SEMA6D: variants seen among roughly 807,000 people sequenced by gnomAD.
SEMA6D encodes the protein semaphorin 6D, also known as semaphorin-6D.
Under a neutral mutation model 106.6 loss-of-function variants are expected in SEMA6D, and 35 were observed. The observed-to-expected ratio is 0.33, with a 90% CI of 0.25 to 0.44. SEMA6D has a LOEUF of 0.44. Among genes scored for constraint, SEMA6D ranks in the 20% least tolerant of loss-of-function variants. The pLI is 1.00. For synonymous variants in SEMA6D, 499 were observed against 487.7 expected (o/e 1.02, Z -0.31); for missense variants, 1,185 against 1,345.9 (o/e 0.88, Z 1.87).
At position 47,315,257 on chromosome 15, in the gene SEMA6D, A is replaced by G. The variant is rs1225295084; in HGVS notation, c.-238-97136A>G. ...TGCATTTTTTACATTTTGCATTTTG[A>G]GTTAATTCTTGTAAAAGGTGTAAGA... is the stretch of plus-strand genomic sequence containing the variant. On this transcript the variant is annotated intron_variant, in intron 1 of 19. Coordinates refer to the SEMA6D transcript ENST00000558014. 2.0e-5 allele frequency among the ~76,000 whole-genome samples: 3 copies of G among 152,114 alleles called. No homozygotes were observed. In the South Asian group the frequency reaches 6.2e-4, roughly 32 times the overall value.
intron 4 of SEMA6D, among the ~76,000 whole-genome samples, chr15:47,679,016 G>A (rs2078297003): frequency 6.6e-6 from 1 of 152,090 alleles, no homozygotes; most frequent in South Asian, 2.1e-4. Flanking sequence ...CCTCTGAGAA[G>A]GTGACATTTC....
chr15:47,331,714 T>C (rs537176159), intron 1 of SEMA6D, among the ~76,000 whole-genome samples: 2 of 152,208 alleles, frequency 1.3e-5, no homozygotes, highest in Admixed American at 1.3e-4. Flanking sequence ...TGTCAAAAAT[T>C]TCTTTAATGC....
chr15:47,358,907 C>A (rs2038694274), intron 1 of SEMA6D, among the ~76,000 whole-genome samples: 1 of 152,142 alleles, frequency 6.6e-6, no homozygotes, highest in African/African-American at 2.4e-5. Context: ...ATCCTTTGGT[C>A]CCCACTTTGC....
intron 4 of SEMA6D, among the ~76,000 whole-genome samples, chr15:47,639,418 A>G (rs560602823): frequency 6.6e-6 from 1 of 152,354 alleles, no homozygotes; most frequent in Non-Finnish European, 1.5e-5. Flanking sequence ...TGAATACATT[A>G]ATAAACTGGA....
At chr15:47,683,406 C>G (rs1321822556) in intron 4 of SEMA6D, among the ~76,000 whole-genome samples, 1 of 152,078 alleles carries the variant, frequency 6.6e-6, no homozygotes, top group Admixed American at 6.5e-5. Context: ...TTTTTTATGT[C>G]TGCACATATT....
chr15:47,320,706 T>G (rs1233083913), intron 1 of SEMA6D, among the ~76,000 whole-genome samples: 1 of 152,198 alleles, frequency 6.6e-6, no homozygotes, highest in African/African-American at 2.4e-5. Context: ...CTTTTGAAAA[T>G]AATTTCACTT....
chr15:47,383,045 C>T (rs2039698787), intron 1 of SEMA6D, among the ~76,000 whole-genome samples: 1 of 152,230 alleles, frequency 6.6e-6, no homozygotes, highest in African/African-American at 2.4e-5. Context: ...GGATTACAGG[C>T]ATGAGCCACC....
chr15:47,477,364 C>T (rs1297951167), intron 3 of SEMA6D, among the ~76,000 whole-genome samples: 1 of 152,120 alleles, frequency 6.6e-6, no homozygotes, highest in Non-Finnish European at 1.5e-5. Flanking sequence ...ATTAAAAATG[C>T]CTTTCCATAA....
At chr15:47,486,723 G>A (rs1385150381) in intron 3 of SEMA6D, among the ~76,000 whole-genome samples, 1 of 152,204 alleles carries the variant, frequency 6.6e-6, no homozygotes, top group Non-Finnish European at 1.5e-5. Context: ...AACTGAGTAC[G>A]TACATTTTTA....
At chr15:47,592,642 G>C (rs552369846) in intron 3 of SEMA6D, among the ~76,000 whole-genome samples, 2 of 152,312 alleles carry the variant, frequency 1.3e-5, no homozygotes, top group South Asian at 4.1e-4. Flanking sequence ...CAGAGACCAT[G>C]TCAAATTGCA....
chr15:47,590,297 G>A lies in SEMA6D; in HGVS notation c.-86-10568G>A, dbSNP rs200018666. 3.8e-4 allele frequency among the ~76,000 whole-genome samples: 57 copies of A among 149,978 alleles called. No homozygotes were observed. The South Asian group carries it at 5.7e-3, about 15-fold the overall frequency. The stretch of plus-strand genomic sequence containing the variant: ...TCACAAGGACAGAAAACCAAACACC[G>A]CATGTTTTCACTCATAGGTGGGAAT... On this transcript the variant is annotated intron_variant, in intron 3 of 19. Coordinates refer to the SEMA6D transcript ENST00000558014.
intron 2 of SEMA6D, among the ~76,000 whole-genome samples, chr15:47,462,549 C>T (rs2042546367): frequency 6.6e-6 from 1 of 152,048 alleles, no homozygotes; most frequent in African/African-American, 2.4e-5. Flanking sequence ...TGGACATAAA[C>T]GTATTTCTTG....
At position 47,633,661 on chromosome 15, in the gene SEMA6D, C is replaced by A. The variant is rs2144563762; in HGVS notation, c.-55+32765C>A. On this transcript the variant is annotated intron_variant, in intron 4 of 19. Coordinates refer to the SEMA6D transcript ENST00000558014. ...ACTCACCTTCTTAAATCTGTAAGTT[C>A]ATGTTATCTGTAAACTTTGGGAAAT... Among the ~76,000 whole-genome samples, 3 of 152,242 alleles carry A rather than the reference C, an allele frequency of 2.0e-5. No individual in the cohort carries two copies. The East Asian group carries it at 5.8e-4, about 29-fold the overall frequency.
chr15:47,192,288 C>T (rs1459943811), intron 1 of SEMA6D, among the ~76,000 whole-genome samples: 3 of 152,218 alleles, frequency 2.0e-5, no homozygotes, highest in African/African-American at 7.2e-5. Context: ...TCTACCAGCA[C>T]CTGCTCCCAC....
chr15:47,203,141 A>C (rs1449714561), intron 1 of SEMA6D, among the ~76,000 whole-genome samples: 1 of 152,082 alleles, frequency 6.6e-6, no homozygotes, highest in Non-Finnish European at 1.5e-5. Flanking sequence ...CACTATTAAA[A>C]GTTTTGGGAC....
chr15:47,759,669 A>C, intron 1 of SEMA6D, 76 bp from the exon 2 acceptor site: 1 of 687,170 alleles, frequency 1.5e-6, no homozygotes, highest in Admixed American at 2.2e-5. Flanking sequence ...CTGATGGTGA[A>C]AACTGAGCTG....
At chr15:47,415,020 C>A (rs1477002201) in intron 2 of SEMA6D, among the ~76,000 whole-genome samples, 2 of 152,120 alleles carry the variant, frequency 1.3e-5, no homozygotes, top group African/African-American at 4.8e-5. Context: ...GTAAAAAATA[C>A]TTTTTGGGAC....
chr15:47,284,939 A>T (rs1321135262), intron 1 of SEMA6D, among the ~76,000 whole-genome samples: 1 of 152,190 alleles, frequency 6.6e-6, no homozygotes, highest in African/African-American at 2.4e-5. Flanking sequence ...AGTTCCTTGC[A>T]TGAATAATAG....
chr15:47,529,754 T>A (rs2044891412), intron 3 of SEMA6D, among the ~76,000 whole-genome samples: 1 of 152,188 alleles, frequency 6.6e-6, no homozygotes, highest in South Asian at 2.1e-4. Flanking sequence ...GATGTAAACC[T>A]TGTGGAGATG....
Sources: gnomAD v4.1 joint callset for allele counts (sites outside exome capture counted in the v4.1 genomes callset) on GRCh38, gnomAD v4.1.1 for gene constraint, MANE v1.5 for transcripts, NCBI Gene and HGNC (gene_info 2026-07-23, HGNC 2026-07-21) for gene names.